ZHX2: variants seen among roughly 807,000 people sequenced by gnomAD.
ZHX2 encodes the protein zinc fingers and homeoboxes protein 2.
Under a neutral mutation model 21.9 loss-of-function variants are expected in ZHX2, and 6 were observed. That is an observed-to-expected ratio of 0.27 (90% confidence interval 0.15 to 0.54). The LOEUF (loss-of-function observed/expected upper bound fraction) is 0.54, where lower values mean the gene tolerates loss of function less well. ZHX2 is among the 20% of genes least tolerant of loss of function. The pLI, the probability that ZHX2 is intolerant of heterozygous loss-of-function variation, is 0.95. For missense variants in ZHX2, 908 were observed against 1,090.7 expected, an observed-to-expected ratio of 0.83 and a Z score of 2.36; for synonymous variants, 434 against 437.1, an observed-to-expected ratio of 0.99 and a Z score of 0.09.
At chr8:122,915,763 G>A (rs2130042369) in intron 2 of ZHX2, among the ~76,000 whole-genome samples, 1 of 152,324 alleles carries the variant, frequency 6.6e-6, no homozygotes. Flanking sequence ...ATTTCTGGTG[G>A]AGTCTTATTT....
rs555820055 is a variant in ZHX2, at chr8:122,814,780, T to C, written c.-283+32834T>C. ...ATTGATAAATGGAAAGACCAGGTGG[T>C]AGAGTTAGCATTAGTTGGGGTACCC... On this transcript the variant is annotated intron_variant, in intron 1 of 3. Transcript: ENST00000314393. Among the ~76,000 whole-genome samples, 10 of 152,304 alleles carry C rather than the reference T, an allele frequency of 6.6e-5. No homozygotes were observed. The East Asian group carries it at 1.9e-3, about 29-fold the overall frequency.
intron 1 of ZHX2, among the ~76,000 whole-genome samples, chr8:122,803,275 G>T (rs558146009): frequency 1.1e-4 from 17 of 152,140 alleles, no homozygotes; most frequent in Admixed American, 3.9e-4. Flanking sequence ...GTGCCTTTTC[G>T]TTAAGGACCG....
chr8:122,916,855 C>T (rs1255992124), intron 2 of ZHX2, among the ~76,000 whole-genome samples: 1 of 152,050 alleles, frequency 6.6e-6, no homozygotes, highest in Non-Finnish European at 1.5e-5. Context: ...TCGTCTCCTG[C>T]CACTGTCTCC....
At chr8:122,929,861 A>G (rs1161078674) in intron 2 of ZHX2, among the ~76,000 whole-genome samples, 1 of 152,198 alleles carries the variant, frequency 6.6e-6, no homozygotes, top group Non-Finnish European at 1.5e-5. Context: ...GCTGCTACAT[A>G]GCTTTTGAAA....
chr8:122,937,644 G>T (rs1193172432), intron 2 of ZHX2, among the ~76,000 whole-genome samples: 33 of 149,356 alleles, frequency 2.2e-4, no homozygotes, highest in Admixed American at 1.9e-3. Context: ...CTGTGGCGCT[G>T]TCTCGGCTTA....
At chr8:122,921,772 C>A (rs1820747150) in intron 2 of ZHX2, among the ~76,000 whole-genome samples, 2 of 151,966 alleles carry the variant, frequency 1.3e-5, no homozygotes, top group South Asian at 4.2e-4. Flanking sequence ...ACAATGTATA[C>A]CTATATCAAA....
intron 3 of ZHX2, among the ~76,000 whole-genome samples, chr8:122,966,250 A>C (rs187045497): frequency 6.0e-4 from 91 of 152,206 alleles, no homozygotes; most frequent in African/African-American, 2.1e-3. Flanking sequence ...CATAGGTCCA[A>C]TGAGATTTAT....
At chr8:122,875,117 A>G (rs1819530800) in intron 2 of ZHX2, among the ~76,000 whole-genome samples, 1 of 127,878 alleles carries the variant, frequency 7.8e-6, no homozygotes. Flanking sequence ...TTTTAGAGGA[A>G]GGAAAACTCT....
chr8:122,865,791 CAATGATGGGACAGGAA>C (rs913514029), intron 2 of ZHX2, among the ~76,000 whole-genome samples: 5 of 152,140 alleles, frequency 3.3e-5, no homozygotes, highest in African/African-American at 9.7e-5. Flanking sequence ...GGTTAAGGCC[CAATGATGGGACAGGAA>C]AAAGTAGTGT....
rs567122027 is a variant in ZHX2 at position 122,855,636 on chromosome 8, C to T, written c.-282-7841C>T. Among the ~76,000 whole-genome samples, 11 of 151,946 alleles carry T rather than the reference C, an allele frequency of 7.2e-5. No homozygotes were observed. In the South Asian group the frequency reaches 1.7e-3, roughly 23 times the overall value. On this transcript the variant is annotated intron_variant, in intron 1 of 3. Transcript: ENST00000314393. ...CCAGCTATGAGTCAGTACATTTATGCGCTCACACACACATTTTTTTCTTTA... is the reference window on the plus strand; with the variant it reads ...CCAGCTATGAGTCAGTACATTTATGTGCTCACACACACATTTTTTTCTTTA...
At chr8:122,970,050 C>T (rs1211986662) in intron 3 of ZHX2, among the ~76,000 whole-genome samples, 1 of 152,158 alleles carries the variant, frequency 6.6e-6, no homozygotes, top group African/African-American at 2.4e-5. Context: ...AGAGCCTGGA[C>T]ATCACGTGGT....
chr8:122,942,960 T>A, intron 2 of ZHX2, among the ~76,000 whole-genome samples: 1 of 152,180 alleles, frequency 6.6e-6, no homozygotes, highest in East Asian at 1.9e-4. Context: ...CCTGGGAGCC[T>A]GTTAGGAATG....
At chr8:122,930,746 T>C (rs538961106) in intron 2 of ZHX2, among the ~76,000 whole-genome samples, 1 of 152,108 alleles carries the variant, frequency 6.6e-6, no homozygotes, top group South Asian at 2.1e-4. Context: ...TGCCTCGGTC[T>C]CCCAAAGTGC....
chr8:122,809,963 A>G (rs921849287), intron 1 of ZHX2, among the ~76,000 whole-genome samples: 1 of 152,132 alleles, frequency 6.6e-6, no homozygotes. Flanking sequence ...GTGGAGGGCT[A>G]CTTTTCATTA....
At chr8:122,918,946 CA>C (rs79202862) in intron 2 of ZHX2, among the ~76,000 whole-genome samples, 1,183 of 74,204 alleles carry the variant, frequency 0.016, 6 homozygotes, top group South Asian at 0.039. Context: ...GACTCCACCT[CA>C]AAAAAAAAAA....
chr8:122,965,511 A>G (rs1680693391), intron 3 of ZHX2, among the ~76,000 whole-genome samples: 1 of 152,106 alleles, frequency 6.6e-6, no homozygotes, highest in South Asian at 2.1e-4. Flanking sequence ...AGTCTGAGAG[A>G]GTACTTGATA....
At chr8:122,833,516 C>A (rs948494960) in intron 1 of ZHX2, among the ~76,000 whole-genome samples, 2 of 151,822 alleles carry the variant, frequency 1.3e-5, no homozygotes, top group Non-Finnish European at 2.9e-5. Flanking sequence ...TAACTACGGG[C>A]GGCGGATAAG....
intron 1 of ZHX2, among the ~76,000 whole-genome samples, chr8:122,806,506 G>A (rs1817826751): frequency 1.3e-5 from 2 of 152,174 alleles, no homozygotes; most frequent in Non-Finnish European, 1.5e-5. Flanking sequence ...CCAGAGTTAG[G>A]GTCGTAGCAA....
chr8:122,848,467 C>T (rs1327680136), intron 1 of ZHX2, among the ~76,000 whole-genome samples: 1 of 152,114 alleles, frequency 6.6e-6, no homozygotes, highest in African/African-American at 2.4e-5. Context: ...GAACACTTCC[C>T]CCATCCCCTA....
Sources: gnomAD v4.1 joint callset for allele counts (sites outside exome capture counted in the v4.1 genomes callset) on GRCh38, gnomAD v4.1.1 for gene constraint, MANE v1.5 for transcripts, NCBI Gene and HGNC (gene_info 2026-07-23, HGNC 2026-07-21) for gene names.